The following RBBP8 variants were observed in gnomAD, a reference collection of about 807,000 sequenced individuals.
The protein encoded by RBBP8 is RB binding protein 8, endonuclease, also known as DNA endonuclease RBBP8.
A neutral mutation model predicts 108.3 loss-of-function variants in RBBP8; 88 were observed. The observed-to-expected ratio is 0.81, with a 90% CI of 0.68 to 0.97. RBBP8 has a LOEUF of 0.97. Ranked by LOEUF, RBBP8 falls within the 50% of genes least tolerant of loss-of-function variation. The pLI is 0.00. For synonymous variants in RBBP8, 332 were observed against 348.2 expected (o/e 0.95, Z 0.52); for missense variants, 1,023 against 1,049.0 (o/e 0.98, Z 0.34).
chr18:22,969,956 G>A (rs1913945026), intron 5 of RBBP8, among the ~76,000 whole-genome samples: 1 of 152,180 alleles, frequency 6.6e-6, no homozygotes, highest in African/African-American at 2.4e-5. Flanking sequence ...ATATGTAGTT[G>A]TTCCTTGTCA....
intron 4 of RBBP8, among the ~76,000 whole-genome samples, chr18:22,966,996 G>A (rs934275580): frequency 1.3e-5 from 2 of 152,080 alleles, no homozygotes; most frequent in Non-Finnish European, 2.9e-5. Flanking sequence ...AAAGTACTGG[G>A]ATTACAGGCG....
intron 10 of RBBP8, among the ~76,000 whole-genome samples, chr18:22,991,297 C>G (rs909915496): frequency 1.3e-5 from 2 of 152,186 alleles, no homozygotes; most frequent in Non-Finnish European, 2.9e-5. Context: ...GTTCCCAGTA[C>G]TTGTCACTCT....
intron 5 of RBBP8, among the ~76,000 whole-genome samples, chr18:22,973,049 G>A (rs749528005): frequency 2.0e-5 from 3 of 151,934 alleles, no homozygotes; most frequent in Non-Finnish European, 2.9e-5. Context: ...TTCTTGTCTC[G>A]GTATTTATTA....
chr18:22,979,220 G>A (rs1019898649), intron 6 of RBBP8, among the ~76,000 whole-genome samples: 2 of 152,090 alleles, frequency 1.3e-5, no homozygotes, highest in Non-Finnish European at 2.9e-5. Context: ...CGCTGAGATC[G>A]CACCACTGCA....
intron 3 of RBBP8, among the ~76,000 whole-genome samples, chr18:22,922,363 G>A (rs1909625743): frequency 6.6e-6 from 1 of 151,994 alleles, no homozygotes; most frequent in African/African-American, 2.4e-5. Context: ...CTAATGAACT[G>A]AATAAAGATG....
chr18:22,945,097 A>T lies in RBBP8; in HGVS notation c.110-1347A>T, dbSNP rs551741204. On this transcript the variant is annotated intron_variant, in intron 2 of 18. Transcript: ENST00000327155. The stretch of plus-strand genomic sequence containing the variant: ...TAGTAAATATTCTTGGGTTCTTCGG[A>T]AATCAGTCAACTAGTAATTATTTAT... Among the ~76,000 whole-genome samples the T allele has an allele frequency of 2.6e-5, 4 of 152,298 alleles. No homozygotes were observed. In the South Asian group the frequency reaches 8.3e-4, roughly 32 times the overall value.
At chr18:22,954,485 C>A (rs966352161) in intron 4 of RBBP8, among the ~76,000 whole-genome samples, 6 of 152,206 alleles carry the variant, frequency 3.9e-5, no homozygotes, top group Admixed American at 2.0e-4. Flanking sequence ...CATGCTGATA[C>A]AAGAGGTGGG....
chr18:22,982,452 G>A (rs1915001900), intron 7 of RBBP8, 59 bp downstream of exon 7: 5 of 1,607,552 alleles, frequency 3.1e-6, no homozygotes, highest in Non-Finnish European at 4.2e-6. Context: ...TCATCTACTA[G>A]TTTTTATGTT....
intron 6 of RBBP8, among the ~76,000 whole-genome samples, chr18:22,976,090 A>G (rs755947463): frequency 2.0e-5 from 3 of 152,134 alleles, no homozygotes; most frequent in Non-Finnish European, 4.4e-5. Context: ...CAGTAAAACT[A>G]TGTAGATGTA....
chr18:23,016,673 T>C, intron 16 of RBBP8, 155 bp from the exon 17 acceptor site: 1 of 645,756 alleles, frequency 1.5e-6, no homozygotes, highest in South Asian at 1.8e-5. Flanking sequence ...TAAAAATACT[T>C]GGTGTATATA....
intron 5 of RBBP8, among the ~76,000 whole-genome samples, chr18:22,971,127 T>G (rs2144602724): frequency 6.9e-6 from 1 of 145,062 alleles, no homozygotes; most frequent in Admixed American, 7.1e-5. Flanking sequence ...AAGGCTGAAA[T>G]GAGCATGCCA....
At chr18:22,974,000 T>C (rs1914319263) in intron 5 of RBBP8, among the ~76,000 whole-genome samples, 1 of 152,242 alleles carries the variant, frequency 6.6e-6, no homozygotes, top group Admixed American at 6.5e-5. Flanking sequence ...TCCACGAAAG[T>C]AGTTTAATAA....
intron 1 of RBBP8, chr18:22,934,412 T>A (rs912090621): frequency 6.6e-6 from 1 of 152,256 alleles, no homozygotes; most frequent in Non-Finnish European, 1.5e-5. Flanking sequence ...ATGTTAATAC[T>A]TTTTCGGTCA....
chr18:22,937,151 G>C (rs1322177660), intron 2 of RBBP8, 191 bp downstream of exon 2: 1 of 1,222,560 alleles, frequency 8.2e-7, no homozygotes, highest in Non-Finnish European at 1.1e-6. Context: ...CATCACCCAG[G>C]TAGTGAGCAT....
rs1433942582 is a variant in RBBP8 at position 23,006,957 on chromosome 18, G to A, written c.2357+525G>A. Among the ~76,000 whole-genome samples the A allele has an allele frequency of 2.0e-5, 3 of 151,646 alleles. No individual in the cohort carries two copies. The East Asian group carries it at 5.8e-4, about 29-fold the overall frequency. ...TTTTTGGCACCATCACCTTTTTTTGGCAGTGGTAATAGTTATTTTCTCTGC... is the reference window on the plus strand; with the variant it reads ...TTTTTGGCACCATCACCTTTTTTTGACAGTGGTAATAGTTATTTTCTCTGC... On this transcript the variant is annotated intron_variant, in intron 16 of 18. Coordinates refer to ENST00000327155, the MANE Select transcript of RBBP8 (RefSeq NM_002894.3).
chr18:23,012,407 C>A (rs1201326420), intron 16 of RBBP8, among the ~76,000 whole-genome samples: 1 of 152,094 alleles, frequency 6.6e-6, no homozygotes. Context: ...AAGGAAAGTT[C>A]TTGAAGAAAA....
rs150568566 is a variant in RBBP8, at chr18:22,942,819, G to A, written c.110-3625G>A. ...TATCAAAAGCACAAATAATAAAATAGAATTTAAAATATTTATTTTCAGAAT... is the reference window on the plus strand; with the variant it reads ...TATCAAAAGCACAAATAATAAAATAAAATTTAAAATATTTATTTTCAGAAT... On this transcript the variant is annotated intron_variant, in intron 2 of 18. Coordinates refer to ENST00000327155, the MANE Select transcript of RBBP8 (RefSeq NM_002894.3). 3.0e-3 allele frequency among the ~76,000 whole-genome samples: 457 copies of A among 152,032 alleles called. 3 individuals are homozygous for A. The highest frequency in any genetic ancestry group is 3.3e-3 in the Non-Finnish European group (223 of 67,998).
At position 23,019,761 on chromosome 18, in the gene RBBP8, A is replaced by ATT. The variant is rs35352558; in HGVS notation, c.2455-2351_2455-2350dup. Among the ~76,000 whole-genome samples, 437 of 131,654 alleles carry ATT rather than the reference A, an allele frequency of 3.3e-3. 5 individuals carry two copies. The highest frequency in any genetic ancestry group is 4.3e-3 in the Non-Finnish European group (273 of 63,196). The allele number at this position is 131,654 out of a possible 152,430, so 86.4% of individuals were successfully genotyped here. ...CCCTGGACCAAGGCAACATTTTATA[A>ATT]TTTTTTTTTTTTTTTTTTGAGTTGG... On this transcript the variant is annotated intron_variant, in intron 17 of 18. Coordinates refer to ENST00000327155, the MANE Select transcript of RBBP8 (RefSeq NM_002894.3).
intron 3 of RBBP8, among the ~76,000 whole-genome samples, chr18:22,919,356 T>C (rs1029023641): frequency 6.6e-6 from 1 of 152,214 alleles, no homozygotes; most frequent in African/African-American, 2.4e-5. Flanking sequence ...AAACTGATCT[T>C]ATTGAGCTCT....
Sources: allele counts gnomAD v4.1 joint callset (sites outside exome capture counted in the v4.1 genomes callset), GRCh38; gene constraint gnomAD v4.1.1; transcripts MANE v1.5; gene names NCBI Gene and HGNC (gene_info 2026-07-23, HGNC 2026-07-21).